MRAP2: variants seen among roughly 807,000 people sequenced by gnomAD.
The protein encoded by MRAP2 is melanocortin-2 receptor accessory protein 2.
Under a neutral mutation model 17.4 loss-of-function variants are expected in MRAP2, and 20 were observed. That is an observed-to-expected ratio of 1.15 (90% CI 0.81 to 1.67). The LOEUF (loss-of-function observed/expected upper bound fraction) is 1.67, where lower values mean the gene tolerates loss of function less well. Among genes scored for constraint, MRAP2 ranks in the 40% most tolerant of loss-of-function variants. The pLI is 0.00. For missense variants in MRAP2, 238 were observed against 240.0 expected (o/e 0.99, Z 0.05); for synonymous variants, 96 against 88.4 (o/e 1.09, Z -0.48).
intron 1 of MRAP2, among the ~76,000 whole-genome samples, chr6:84,041,604 CCTCTTG>C (rs1368944440): frequency 6.6e-6 from 1 of 152,264 alleles, no homozygotes; most frequent in South Asian, 2.1e-4. Flanking sequence ...TGGGAGCCCA[CCTCTTG>C]CATAAGCATG....
the MRAP2 span, among the ~76,000 whole-genome samples, chr6:84,134,957 T>C: frequency 1.6e-3 from 244 of 147,924 alleles, 1 homozygote; most frequent in African/African-American, 5.6e-3. Flanking sequence ...CACACACACA[T>C]ATATAGTGTT....
Position 84,033,776 on chromosome 6 carries a change from G to T in MRAP2, c.-115G>T, listed in dbSNP as rs1035358245. 2 of 986,196 alleles carry T rather than the reference G, an allele frequency of 2.0e-6. No individual in the cohort carries two copies. The highest frequency in any genetic ancestry group is 1.2e-6 in the Non-Finnish European group (1 of 830,240). 61.1% of individuals were successfully genotyped at this position (986,196 alleles called of 1,614,324 possible). A position where few individuals can be genotyped will look rare whatever the true frequency, so the allele number is the denominator to read the frequency against. On this transcript the variant is annotated 5_prime_UTR_variant, in exon 1 of 4. Coordinates refer to ENST00000257776, the MANE Select transcript of MRAP2 (RefSeq NM_138409.4). The stretch of plus-strand genomic sequence containing the variant: ...CGCACCTCGGATCTAGGAGCTACTC[G>T]CCCGGCCCTGGGCGGTGGGAGGCGG...
chr6:84,083,342 T>A (rs569053516), intron 3 of MRAP2, among the ~76,000 whole-genome samples: 26 of 152,366 alleles, frequency 1.7e-4, no homozygotes, highest in African/African-American at 5.8e-4. Flanking sequence ...GTCATCATTT[T>A]AAGTTATTTC....
the MRAP2 span, among the ~76,000 whole-genome samples, chr6:84,096,099 T>C: frequency 1.3e-5 from 2 of 152,112 alleles, no homozygotes; most frequent in East Asian, 3.9e-4. Context: ...TGGAGTAAAG[T>C]TTTTTCTTCC....
At chr6:84,120,938 C>T in the MRAP2 span, among the ~76,000 whole-genome samples, 249 of 152,096 alleles carry the variant, frequency 1.6e-3, 1 homozygote, top group African/African-American at 5.4e-3. Context: ...GTCCAAACTG[C>T]GATGTGCTGT....
intron 3 of MRAP2, among the ~76,000 whole-genome samples, chr6:84,084,795 A>G (rs913943469): frequency 2.0e-5 from 3 of 152,074 alleles, no homozygotes; most frequent in African/African-American, 7.2e-5. Flanking sequence ...AGGAAAAGCC[A>G]TGTGGCCAGC....
chr6:84,053,169 A>G (rs2099490872), intron 1 of MRAP2, among the ~76,000 whole-genome samples: 1 of 152,180 alleles, frequency 6.6e-6, no homozygotes, highest in Non-Finnish European at 1.5e-5. Flanking sequence ...TGTGCTGAAT[A>G]GACGACACCC....
At chr6:84,108,293 C>G in the MRAP2 span, among the ~76,000 whole-genome samples, 1 of 152,136 alleles carries the variant, frequency 6.6e-6, no homozygotes, top group Non-Finnish European at 1.5e-5. Flanking sequence ...AAACTCCCAT[C>G]AACAGTATAA....
intron 1 of MRAP2, chr6:84,035,400 C>A: frequency 2.0e-6 from 2 of 984,296 alleles, no homozygotes; most frequent in Non-Finnish European, 2.4e-6. Context: ...CAAACCAACT[C>A]CCTTCCCTTT....
intron 1 of MRAP2, chr6:84,045,363 G>A (rs1419454619): frequency 1.0e-6 from 1 of 985,212 alleles, no homozygotes; most frequent in Non-Finnish European, 1.2e-6. Context: ...AGGCCCTGGA[G>A]TAGGCAAGCC....
intron 3 of MRAP2, among the ~76,000 whole-genome samples, chr6:84,083,593 C>T (rs557089478): frequency 3.9e-5 from 6 of 152,032 alleles, no homozygotes; most frequent in East Asian, 1.9e-4. Context: ...ACAGTAAACC[C>T]GGGCAAAATT....
At chr6:84,058,377 A>C (rs758917582) in intron 2 of MRAP2, among the ~76,000 whole-genome samples, 5 of 152,226 alleles carry the variant, frequency 3.3e-5, no homozygotes, top group Non-Finnish European at 7.3e-5. Flanking sequence ...TGTAAGAGAA[A>C]GAAGAGTCAA....
chr6:84,098,187 A>G, the MRAP2 span, among the ~76,000 whole-genome samples: 5 of 152,160 alleles, frequency 3.3e-5, no homozygotes, highest in African/African-American at 1.2e-4. Flanking sequence ...CATGGTATTT[A>G]TATAAGTGAA....
At chr6:84,070,215 C>T (rs1302623224) in intron 3 of MRAP2, among the ~76,000 whole-genome samples, 5 of 151,906 alleles carry the variant, frequency 3.3e-5, no homozygotes, top group Non-Finnish European at 7.4e-5. Context: ...TCAGTCTTTT[C>T]GATGTAGGTG....
intron 3 of MRAP2, among the ~76,000 whole-genome samples, chr6:84,073,348 T>C (rs1229460127): frequency 3.9e-5 from 6 of 152,208 alleles, no homozygotes; most frequent in African/African-American, 1.4e-4. Context: ...CAAAGAGACT[T>C]TCAGTTTCTC....
rs566770390 is a variant in MRAP2, at chr6:84,045,761, T to A, written c.-7-9551T>A. On this transcript the variant is annotated intron_variant, in intron 1 of 3. Coordinates refer to ENST00000257776, the MANE Select transcript of MRAP2 (RefSeq NM_138409.4). ...CTGTGTGAGGAGCAAGACTGTCTCATAAAAAAAAAAGTATATACAGACACA... is the reference window on the plus strand; with the variant it reads ...CTGTGTGAGGAGCAAGACTGTCTCAAAAAAAAAAAAGTATATACAGACACA... Among the ~76,000 whole-genome samples the A allele has an allele frequency of 6.3e-3, 933 of 148,002 alleles. 16 individuals are homozygous for A. The highest frequency in any genetic ancestry group is 0.021 in the African/African-American group (871 of 40,560).
At chr6:84,115,240 G>A in the MRAP2 span, among the ~76,000 whole-genome samples, 1 of 152,204 alleles carries the variant, frequency 6.6e-6, no homozygotes, top group Non-Finnish European at 1.5e-5. Context: ...CCCCTGACTG[G>A]GGCTACTGCC....
At chr6:84,114,028 A>G in the MRAP2 span, among the ~76,000 whole-genome samples, 2 of 151,800 alleles carry the variant, frequency 1.3e-5, no homozygotes, top group African/African-American at 4.8e-5. Flanking sequence ...GTTAATTTCA[A>G]CCTTGTTGAA....
chr6:84,104,325 G>A, the MRAP2 span, among the ~76,000 whole-genome samples: 1 of 152,140 alleles, frequency 6.6e-6, no homozygotes, highest in Admixed American at 6.5e-5. Context: ...GGGATGGAAG[G>A]GGCTGTCATG....
Sources: gnomAD v4.1 joint callset for allele counts (sites outside exome capture counted in the v4.1 genomes callset) on GRCh38, gnomAD v4.1.1 for gene constraint, MANE v1.5 for transcripts, NCBI Gene and HGNC (gene_info 2026-07-23, HGNC 2026-07-21) for gene names.